Variants in ZNF521 observed in about 807,000 individuals in gnomAD.
ZNF521 encodes zinc finger protein 521, also known as LYST-interacting protein 3.
A neutral mutation model predicts 105.5 loss-of-function variants in ZNF521; 14 were observed. The ratio of observed to expected loss-of-function variants is 0.13; its 90% CI spans 0.09 to 0.21. The LOEUF (loss-of-function observed/expected upper bound fraction) is 0.21. Among genes scored for constraint, ZNF521 ranks in the 10% least tolerant of loss-of-function variants. The pLI is 1.00. For missense variants in ZNF521, 1,233 were observed against 1,629.7 expected, an observed-to-expected ratio of 0.76 and a Z score of 4.19; for synonymous variants, 635 against 606.0, an observed-to-expected ratio of 1.05 and a Z score of -0.70.
intron 2 of ZNF521, among the ~76,000 whole-genome samples, chr18:25,343,341 C>A (rs1914312323): frequency 6.6e-6 from 1 of 152,040 alleles, no homozygotes; most frequent in South Asian, 2.1e-4. Context: ...GAAAAAAATC[C>A]AATTTTTCCC....
At chr18:25,134,257 T>C (rs958685915) in intron 5 of ZNF521, among the ~76,000 whole-genome samples, 2 of 152,152 alleles carry the variant, frequency 1.3e-5, no homozygotes, top group Non-Finnish European at 2.9e-5. Flanking sequence ...CACATCCCTG[T>C]GGCCAAAGGA....
intron 5 of ZNF521, among the ~76,000 whole-genome samples, chr18:25,141,432 A>G (rs944814582): frequency 1.3e-5 from 2 of 152,194 alleles, no homozygotes; most frequent in Non-Finnish European, 2.9e-5. Context: ...TTTGGAAGTT[A>G]GGGCATCCCC....
chr18:25,191,993 C>T lies in ZNF521; in HGVS notation c.3658+3167G>A, dbSNP rs145477875. Among the ~76,000 whole-genome samples, 563 of 152,230 alleles carry T rather than the reference C, an allele frequency of 3.7e-3. 2 individuals are homozygous for T. Among genetic ancestry groups the T allele is most frequent in the African/African-American group, 0.013 (548 of 41,540 alleles). ...TTCTCAGGTCAAAAGCCAACATAAACTATGTGAAATGAGCAAAGGAAGAGA... is the reference window on the plus strand; with the variant it reads ...TTCTCAGGTCAAAAGCCAACATAAATTATGTGAAATGAGCAAAGGAAGAGA... On this transcript the variant is annotated intron_variant, in intron 5 of 7. Transcript: ENST00000361524.
intron 7 of ZNF521, among the ~76,000 whole-genome samples, chr18:25,068,604 G>A (rs933427377): frequency 6.6e-6 from 1 of 151,796 alleles, no homozygotes; most frequent in African/African-American, 2.4e-5. Flanking sequence ...TCACCCCTGT[G>A]CTCGGGCATA....
chr18:25,216,045 A>C (rs926742844), intron 4 of ZNF521, among the ~76,000 whole-genome samples: 1 of 152,234 alleles, frequency 6.6e-6, no homozygotes, highest in African/African-American at 2.4e-5. Context: ...AGTTTAACCC[A>C]TTTAGTTTTT....
In ZNF521 at chr18:25,225,119, G is replaced by A. The variant is rs1400431074; in HGVS notation, c.2799C>T (p.Asn933=). The A allele has an allele frequency of 8.1e-6, 13 of 1,614,052 alleles. No homozygotes were observed. The highest frequency in any genetic ancestry group is 2.2e-5 in the South Asian group (2 of 91,088). ...AELIKGNYKC[N]VCSRTFFSEN... ...CGGAGAAGAAGGTTCGAGAGCACAC[G>A]TTGCACTTGTAATTCCCTTTAATGA... Residue 933 remains asparagine, a synonymous_variant, in exon 4 of 8, where the codon AAC becomes AAT. Coordinates refer to ENST00000361524, the MANE Select transcript of ZNF521 (RefSeq NM_015461.3). The surrounding 1 kb of genome is among the most constrained non-coding windows in gnomAD (Gnocchi z 5.6).
chr18:25,229,765 A>C (rs1054111067), intron 3 of ZNF521, among the ~76,000 whole-genome samples: 25 of 152,210 alleles, frequency 1.6e-4, no homozygotes, highest in Non-Finnish European at 3.5e-4. Flanking sequence ...CATTTAAAAA[A>C]TATTTTCAAA....
intron 3 of ZNF521, among the ~76,000 whole-genome samples, chr18:25,315,024 C>G (rs779837613): frequency 2.0e-5 from 3 of 152,194 alleles, no homozygotes; most frequent in Admixed American, 2.0e-4. Flanking sequence ...TGTGATGAGA[C>G]CCCTCTGGCT....
At chr18:25,303,032 C>T (rs1470852903) in intron 3 of ZNF521, 1 of 152,178 alleles carries the variant, frequency 6.6e-6, no homozygotes, top group African/African-American at 2.4e-5. Flanking sequence ...AGGGAATCAA[C>T]TCAGGCAGCA....
Position 25,321,996 on chromosome 18 carries a change from A to C in ZNF521, c.220+12T>G. The C allele has an allele frequency of 6.2e-7, 1 of 1,610,856 alleles. No homozygotes were observed. Among genetic ancestry groups the C allele is most frequent in the Non-Finnish European group, 8.5e-7 (1 of 1,178,230 alleles). ...AGTACAAGAAGACAAAAAAGTGATA[A>C]GTATTGTTTACCTGTCAGTTGACAT... On this transcript the variant is annotated intron_variant, in intron 3 of 7. Coordinates refer to ENST00000361524, the MANE Select transcript of ZNF521 (RefSeq NM_015461.3).
At chr18:25,214,396 T>G (rs915324025) in intron 4 of ZNF521, among the ~76,000 whole-genome samples, 1 of 152,134 alleles carries the variant, frequency 6.6e-6, no homozygotes, top group African/African-American at 2.4e-5. Context: ...CTGTAAATTC[T>G]GTCAGTCTTT....
At chr18:25,266,058 G>A (rs891503822) in intron 3 of ZNF521, among the ~76,000 whole-genome samples, 3 of 152,156 alleles carry the variant, frequency 2.0e-5, no homozygotes, top group Non-Finnish European at 4.4e-5. Flanking sequence ...TAGGGGTCTG[G>A]GGGAAAGGTG....
intron 5 of ZNF521, among the ~76,000 whole-genome samples, chr18:25,156,542 C>T (rs151242915): frequency 1.3e-5 from 2 of 152,258 alleles, no homozygotes; most frequent in East Asian, 1.9e-4. Context: ...AAGACTGGAC[C>T]TGGTTTAATC....
chr18:25,076,721 T>C (rs1045688316), intron 7 of ZNF521, among the ~76,000 whole-genome samples: 2 of 152,214 alleles, frequency 1.3e-5, no homozygotes, highest in African/African-American at 4.8e-5. Flanking sequence ...ACCTCCAATA[T>C]TGGAATTTGA....
chr18:25,306,296 A>C (rs1313290744), intron 3 of ZNF521, among the ~76,000 whole-genome samples: 2 of 152,226 alleles, frequency 1.3e-5, no homozygotes, highest in Non-Finnish European at 2.9e-5. Flanking sequence ...GCAAGTCTGA[A>C]AATCAGATAT....
At chr18:25,321,877 C>T in intron 3 of ZNF521, 131 bp downstream of exon 3, 1 of 867,524 alleles carries the variant, frequency 1.2e-6, no homozygotes, top group Non-Finnish European at 1.7e-6. Flanking sequence ...TTCAAAAGCA[C>T]CTCTAGACTT....
chr18:25,287,184 G>A (rs903038601), intron 3 of ZNF521, among the ~76,000 whole-genome samples: 2 of 152,182 alleles, frequency 1.3e-5, no homozygotes, highest in African/African-American at 4.8e-5. Flanking sequence ...AAACACTCCT[G>A]GGGGGCCTGG....
At chr18:25,088,440 C>T (rs1280888051) in intron 7 of ZNF521, among the ~76,000 whole-genome samples, 3 of 151,760 alleles carry the variant, frequency 2.0e-5, no homozygotes, top group Non-Finnish European at 4.4e-5. Flanking sequence ...AGGATGGTAT[C>T]GATCTCCTGA....
chr18:25,291,243 G>A (rs753789596), intron 3 of ZNF521, among the ~76,000 whole-genome samples: 29 of 152,010 alleles, frequency 1.9e-4, no homozygotes, highest in Non-Finnish European at 3.2e-4. Flanking sequence ...TTTACCCTCC[G>A]TCTAAAGTAA....
Sources: gnomAD v4.1 joint callset for allele counts (sites outside exome capture counted in the v4.1 genomes callset) on GRCh38, gnomAD v4.1.1 for gene constraint, Gnocchi (gnomAD v3.1) non-coding constraint, MANE v1.5 for transcripts, NCBI Gene and HGNC (gene_info 2026-07-23, HGNC 2026-07-21) for gene names.